Variants in MTO1 observed in about 807,000 individuals in gnomAD.
The protein encoded by MTO1 is 5-taurinomethyluridine-[tRNA] synthase subunit MTO1, mitochondrial.
A neutral mutation model predicts 71.6 loss-of-function variants in MTO1; 46 were observed. That is an observed-to-expected ratio of 0.64 (90% confidence interval 0.51 to 0.82). MTO1 has a LOEUF of 0.82. Among genes scored for constraint, MTO1 ranks in the 40% least tolerant of loss-of-function variants. The pLI is 0.00. For missense variants in MTO1, 773 were observed against 867.5 expected (o/e 0.89, Z 1.37); for synonymous variants, 297 against 312.1 (o/e 0.95, Z 0.51).
At chr6:73,476,869 A>G (rs145485703) in intron 4 of MTO1, among the ~76,000 whole-genome samples, 32 of 151,698 alleles carry the variant, frequency 2.1e-4, no homozygotes, top group African/African-American at 6.8e-4. Context: ...GCTTACTGCA[A>G]TCTCGCCTTC....
rs761542908 is a variant in MTO1, at chr6:73,507,400, A to G, written c.*6665A>G. On this transcript the variant is annotated 3_prime_UTR_variant, in exon 12 of 12. Coordinates refer to ENST00000498286, the MANE Select transcript of MTO1 (RefSeq NM_012123.4). Reference sequence around the variant, plus strand: ...GTTTGAAAAAACACAATCTGTTTGAACAGCACTACTTTCTGACAGGAAAAC... The same window carrying G: ...GTTTGAAAAAACACAATCTGTTTGAGCAGCACTACTTTCTGACAGGAAAAC... 8 of 152,234 alleles carry G rather than the reference A, an allele frequency of 5.3e-5. No individual in the cohort carries two copies. The highest frequency in any genetic ancestry group is 1.2e-4 in the Non-Finnish European group (8 of 68,032). 9.4% of individuals were successfully genotyped at this position (152,234 alleles called of 1,614,324 possible). A position where few individuals can be genotyped will look rare whatever the true frequency, so the allele number is the denominator to read the frequency against.
chr6:73,492,441 C>A, intron 10 of MTO1, 89 bp downstream of exon 10: 1 of 854,712 alleles, frequency 1.2e-6, no homozygotes, highest in Non-Finnish European at 1.9e-6. Context: ...TGGACCAGCA[C>A]AGTGTTAGCT....
chr6:73,464,050 T>A (rs1770905303), intron 1 of MTO1: 1 of 152,170 alleles, frequency 6.6e-6, no homozygotes, highest in African/African-American at 2.4e-5. Context: ...CTGTTGTTTA[T>A]ATTTTTAAAA....
In MTO1 at chr6:73,488,582, CTGT is replaced by C. The variant is rs1771720658; in HGVS notation, c.1638-3647_1638-3645del. On this transcript the variant is annotated intron_variant, in intron 9 of 11. Coordinates refer to ENST00000498286, the MANE Select transcript of MTO1 (RefSeq NM_012123.4). ...CCATTCTGTGGATTGTGTTTTCACT[CTGT>C]TGTTTGTATCCTTTGATGTACATTT... Among the ~76,000 whole-genome samples, 3 of 151,922 alleles carry C rather than the reference CTGT, an allele frequency of 2.0e-5. No homozygotes were observed. In the South Asian group the frequency reaches 6.2e-4, roughly 32 times the overall value.
intron 10 of MTO1, among the ~76,000 whole-genome samples, chr6:73,493,349 C>CGTGTGT (rs1582697921): frequency 4.0e-4 from 20 of 49,630 alleles, no homozygotes; most frequent in South Asian, 2.5e-3. Flanking sequence ...TTGAAATGTG[C>CGTGTGT]ATGTATGTGT....
chr6:73,475,253 G>A (rs573695595), intron 4 of MTO1, among the ~76,000 whole-genome samples: 11 of 151,672 alleles, frequency 7.3e-5, no homozygotes, highest in African/African-American at 1.9e-4. Flanking sequence ...ATGAGCGACC[G>A]CACCTGGTCA....
At position 73,473,352 on chromosome 6, in the gene MTO1, T is replaced by C. The variant is rs1282679841; in HGVS notation, c.536-13T>C. ...CATAGATAATGACTTTATTCTTTTTTCTTGTTATTTAGTGGATGGAAGCAC... is the reference window on the plus strand; with the variant it reads ...CATAGATAATGACTTTATTCTTTTTCCTTGTTATTTAGTGGATGGAAGCAC... On this transcript the variant is annotated splice_polypyrimidine_tract_variant and intron_variant, in intron 3 of 11. Transcript: ENST00000498286. 6.3e-7 allele frequency: 1 copy of C among 1,592,766 alleles called. No homozygotes were observed. The highest frequency in any genetic ancestry group is 8.6e-7 in the Non-Finnish European group (1 of 1,168,812).
Position 73,480,545 on chromosome 6 carries a change from C to T in MTO1, c.1130-130C>T, listed in dbSNP as rs775982146. On this transcript the variant is annotated intron_variant, in intron 6 of 11. Coordinates refer to ENST00000498286, the MANE Select transcript of MTO1 (RefSeq NM_012123.4). Reference sequence around the variant, plus strand: ...TTGGCCCCCCAAAGTGCTGAGATTACAGGTGTGAGCCACTGCTCCTGACCT... The same window carrying T: ...TTGGCCCCCCAAAGTGCTGAGATTATAGGTGTGAGCCACTGCTCCTGACCT... 76 of 1,177,626 alleles carry T rather than the reference C, an allele frequency of 6.5e-5. 1 individual carries two copies. Among genetic ancestry groups the T allele is most frequent in the Admixed American group, 5.8e-4 (29 of 50,322 alleles). The allele number at this position is 1,177,626 out of a possible 1,614,324, so 72.9% of individuals were successfully genotyped here.
intron 11 of MTO1, among the ~76,000 whole-genome samples, chr6:73,498,870 G>T (rs1193539405): frequency 6.6e-6 from 1 of 151,880 alleles, no homozygotes; most frequent in Non-Finnish European, 1.5e-5. Context: ...GACTACAGGC[G>T]CATGCCACCA....
intron 11 of MTO1, 147 bp from the exon 12 acceptor site, chr6:73,500,427 C>A: frequency 1.7e-6 from 1 of 597,560 alleles, no homozygotes; most frequent in Non-Finnish European, 2.6e-6. Flanking sequence ...ATCTACTTTA[C>A]AAGGAAATAT....
chr6:73,500,283 T>TC (rs1294714998), intron 11 of MTO1, among the ~76,000 whole-genome samples: 2 of 152,178 alleles, frequency 1.3e-5, no homozygotes, highest in Admixed American at 6.6e-5. Flanking sequence ...TTACAGTTTT[T>TC]CTTAGTTTAA....
intron 6 of MTO1, chr6:73,480,371 C>T (rs1483478239): frequency 2.9e-5 from 19 of 663,210 alleles, no homozygotes; most frequent in African/African-American, 1.2e-4. Context: ...CTGCCAGGTT[C>T]GTGATTCTTC....
chr6:73,482,492 A>T lies in MTO1; in HGVS notation c.1509A>T (p.Arg503Ser). 2 of 1,613,450 alleles carry T rather than the reference A, an allele frequency of 1.2e-6. No homozygotes were observed. Among genetic ancestry groups the T allele is most frequent in the Non-Finnish European group, 1.7e-6 (2 of 1,179,832 alleles). Reference protein sequence around the residue: ...AGCVSQQRYERACWMKSSLEE... With the variant: ...AGCVSQQRYESACWMKSSLEE... ...GTGTGTCCCAACAACGATATGAAAGAGCTTGTTGGATGAAGTCTTCTTTAG... is the reference window on the plus strand; with the variant it reads ...GTGTGTCCCAACAACGATATGAAAGTGCTTGTTGGATGAAGTCTTCTTTAG... Residue 503 changes from arginine (R) to serine (S), a missense_variant, in exon 9 of 12, where the codon AGA becomes AGT. By Grantham distance (110) the Arg-to-Ser change is moderately radical. Transcript: ENST00000498286.
At chr6:73,466,013 G>A (rs1281735093) in intron 1 of MTO1, among the ~76,000 whole-genome samples, 196 bp from the exon 2 acceptor site, 2 of 152,110 alleles carry the variant, frequency 1.3e-5, no homozygotes, top group Non-Finnish European at 2.9e-5. Context: ...TCAGGAAGTG[G>A]TTTGTCATCC....
At chr6:73,492,993 T>TGTGTGTGTGTGTGTGTGTGTG (rs78961752) in intron 10 of MTO1, among the ~76,000 whole-genome samples, 1 of 92,854 alleles carries the variant, frequency 1.1e-5, no homozygotes, top group African/African-American at 3.5e-5. Context: ...TGTGTGTGTG[T>TGTGTGTGTGTGTGTGTGTGTG]ATTTTTTTTT....
At chr6:73,475,119 A>T (rs976530182) in intron 4 of MTO1, among the ~76,000 whole-genome samples, 5 of 151,710 alleles carry the variant, frequency 3.3e-5, no homozygotes, top group South Asian at 2.1e-4. Flanking sequence ...ATTTTAAAAA[A>T]TTTTTTCATT....
intron 9 of MTO1, among the ~76,000 whole-genome samples, chr6:73,489,346 T>TA (rs1479966505): frequency 6.6e-6 from 1 of 152,020 alleles, no homozygotes; most frequent in African/African-American, 2.4e-5. Flanking sequence ...GCAGGTTTGT[T>TA]ACATATATAT....
chr6:73,508,583 G>A lies in MTO1; in HGVS notation c.*7848G>A, dbSNP rs988801230. The stretch of plus-strand genomic sequence containing the variant: ...GTTTCACAAGAAACAACCTCAAGGA[G>A]GGCAGTTTAACTGAAAATTCAGAGG... On this transcript the variant is annotated 3_prime_UTR_variant, in exon 12 of 12. Transcript: ENST00000498286. 2.6e-5 allele frequency: 4 copies of A among 152,106 alleles called. No individual in the cohort carries two copies. The highest frequency in any genetic ancestry group is 2.0e-4 in the Admixed American group (3 of 15,246). 9.4% of individuals were successfully genotyped at this position (152,106 alleles called of 1,614,324 possible).
rs1163310668 is a variant in MTO1 at position 73,503,176 on chromosome 6, A to C, written c.*2441A>C. ...CAGGCTGTAGTGCAGTGGTACAATC[A>C]TAGCTCACTGCAGCCTTGATCTCCT... is the stretch of plus-strand genomic sequence containing the variant. On this transcript the variant is annotated 3_prime_UTR_variant, in exon 12 of 12. Coordinates refer to ENST00000498286, the MANE Select transcript of MTO1 (RefSeq NM_012123.4). 6.6e-6 allele frequency: 1 copy of C among 152,080 alleles called. No homozygotes were observed. Among genetic ancestry groups the C allele is most frequent in the Non-Finnish European group, 1.5e-5 (1 of 68,046 alleles). The allele number at this position is 152,080 out of a possible 1,614,324, so 9.4% of individuals were successfully genotyped here.
Sources: gnomAD v4.1 joint callset for allele counts (sites outside exome capture counted in the v4.1 genomes callset) on GRCh38, gnomAD v4.1.1 for gene constraint, MANE v1.5 for transcripts, NCBI Gene and HGNC (gene_info 2026-07-23, HGNC 2026-07-21) for gene names.